The following FOLH1 variants were observed in gnomAD, a reference collection of about 807,000 sequenced individuals.
FOLH1 encodes the protein glutamate carboxypeptidase 2.
A neutral mutation model predicts 93.9 loss-of-function variants in FOLH1; 54 were observed. The ratio of observed to expected loss-of-function variants is 0.57; its 90% CI spans 0.46 to 0.72. The LOEUF is 0.72. Ranked by LOEUF, FOLH1 falls within the 30% of genes least tolerant of loss-of-function variation. The probability of loss-of-function intolerance (pLI) is 0.00; values close to 1 mark genes in which losing one functional copy is unlikely to be tolerated. For missense variants in FOLH1, 571 were observed against 892.5 expected, an observed-to-expected ratio of 0.64 and a Z score of 4.59; for synonymous variants, 249 against 303.6, an observed-to-expected ratio of 0.82 and a Z score of 1.87.
rs375116783 is a variant in FOLH1 at position 49,164,666 on chromosome 11, T to C, written c.1440+39A>G. ...TAATACCTCAAGAAAACATCATTTG[T>C]AGAATTTGGGTTTTCTTAAATTATA... is the stretch of plus-strand genomic sequence containing the variant. On this transcript the variant is annotated intron_variant, in intron 13 of 18. Transcript: ENST00000256999. 6.5e-6 allele frequency: 9 copies of C among 1,386,628 alleles called. 1 individual carries two copies. The highest frequency in any genetic ancestry group is 5.1e-5 in the South Asian group (4 of 78,506). 85.9% of individuals were successfully genotyped at this position (1,386,628 alleles called of 1,614,324 possible).
chr11:49,169,958 G>A (rs546831445), intron 11 of FOLH1, among the ~76,000 whole-genome samples: 8 of 151,860 alleles, frequency 5.3e-5, no homozygotes, highest in Admixed American at 3.3e-4. Flanking sequence ...AAATTACACC[G>A]TCAAAATATT....
intron 13 of FOLH1, 116 bp downstream of exon 13, chr11:49,164,589 A>G: frequency 1.5e-6 from 1 of 680,634 alleles, no homozygotes; most frequent in Non-Finnish European, 2.6e-6. Context: ...GATGTCATAT[A>G]TGTTATATGA....
At chr11:49,149,261 G>T (rs1856180471) in intron 17 of FOLH1, among the ~76,000 whole-genome samples, 1 of 152,102 alleles carries the variant, frequency 6.6e-6, no homozygotes, top group Non-Finnish European at 1.5e-5. Flanking sequence ...AAGTCTAAAA[G>T]TTACTTAAAA....
intron 11 of FOLH1, among the ~76,000 whole-genome samples, chr11:49,170,798 G>T (rs1859167661): frequency 6.6e-6 from 1 of 152,130 alleles, no homozygotes; most frequent in African/African-American, 2.4e-5. Flanking sequence ...ACATGTTTAT[G>T]GCAAGATATT....
At chr11:49,187,042 C>A (rs555464751) in intron 4 of FOLH1, among the ~76,000 whole-genome samples, 67 of 151,076 alleles carry the variant, frequency 4.4e-4, no homozygotes, top group East Asian at 2.3e-3. Context: ...AGCACCCCCC[C>A]CACACACACA....
chr11:49,177,895 A>G (rs1341327906), intron 7 of FOLH1, among the ~76,000 whole-genome samples: 4 of 151,378 alleles, frequency 2.6e-5, no homozygotes, highest in Admixed American at 6.6e-5. Context: ...CCTGGGAGGT[A>G]GAGATTGCGG....
rs539416048 is a variant in FOLH1, at chr11:49,149,242, T to C, written c.1971-511A>G. The stretch of plus-strand genomic sequence containing the variant: ...TTAAATTGATCTCTCGGTATAATGA[T>C]CCAGATTTAAGTCTAAAAGTTACTT... On this transcript the variant is annotated intron_variant, in intron 17 of 18. Coordinates refer to ENST00000256999, the MANE Select transcript of FOLH1 (RefSeq NM_004476.3). Among the ~76,000 whole-genome samples, 27 of 152,234 alleles carry C rather than the reference T, an allele frequency of 1.8e-4. 1 individual carries two copies. In the South Asian group the frequency reaches 5.2e-3, roughly 29 times the overall value.
chr11:49,158,506 T>A (rs1212338501), intron 13 of FOLH1, among the ~76,000 whole-genome samples: 1 of 152,174 alleles, frequency 6.6e-6, no homozygotes, highest in Non-Finnish European at 1.5e-5. Context: ...TAAACCGCAA[T>A]GTCTGTTCTT....
At chr11:49,160,423 T>C (rs1358839351) in intron 13 of FOLH1, among the ~76,000 whole-genome samples, 1 of 151,964 alleles carries the variant, frequency 6.6e-6, no homozygotes, top group Non-Finnish European at 1.5e-5. Context: ...ACTAGGCTGT[T>C]AACTTGAGAT....
chr11:49,188,190 A>T (rs1035438511), intron 4 of FOLH1, among the ~76,000 whole-genome samples: 1 of 152,224 alleles, frequency 6.6e-6, no homozygotes, highest in Admixed American at 6.5e-5. Context: ...TTTTTGTGAC[A>T]GATTGTGTTA....
At chr11:49,151,861 C>A (rs536841974) in intron 17 of FOLH1, among the ~76,000 whole-genome samples, 2 of 152,094 alleles carry the variant, frequency 1.3e-5, no homozygotes, top group East Asian at 3.9e-4. Flanking sequence ...TGTTTGGGAT[C>A]TCCTTAAAAT....
At position 49,156,868 on chromosome 11, in the gene FOLH1, A is replaced by T. The variant is rs1220494591; in HGVS notation, c.1533-61T>A. 5 of 1,602,738 alleles carry T rather than the reference A, an allele frequency of 3.1e-6. No individual in the cohort carries two copies. The African/African-American group carries it at 6.7e-5, about 21-fold the overall frequency. Reference sequence around the variant, plus strand: ...AATTTGTTCATTAAGCACAGATTACATGTCCATTAAACTAAACCCCATTCT... The same window carrying T: ...AATTTGTTCATTAAGCACAGATTACTTGTCCATTAAACTAAACCCCATTCT... On this transcript the variant is annotated intron_variant, in intron 14 of 18. Coordinates refer to ENST00000256999, the MANE Select transcript of FOLH1 (RefSeq NM_004476.3).
chr11:49,164,088 C>T (rs1858082929), intron 13 of FOLH1, among the ~76,000 whole-genome samples: 2 of 152,138 alleles, frequency 1.3e-5, no homozygotes, highest in African/African-American at 4.8e-5. Flanking sequence ...CCTTCAATTT[C>T]TCTTTGTGAG....
chr11:49,191,351 T>C (rs1862016420), intron 4 of FOLH1, among the ~76,000 whole-genome samples: 1 of 152,174 alleles, frequency 6.6e-6, no homozygotes, highest in Non-Finnish European at 1.5e-5. Context: ...ATACATAGTT[T>C]TGAAAGAATT....
chr11:49,193,775 A>G lies in FOLH1; in HGVS notation c.412-881T>C, dbSNP rs556269962. Among the ~76,000 whole-genome samples, 81 of 152,344 alleles carry G rather than the reference A, an allele frequency of 5.3e-4. 1 individual carries two copies. The Middle Eastern group carries it at 0.014, about 26-fold the overall frequency. On this transcript the variant is annotated intron_variant, in intron 3 of 18. Coordinates refer to ENST00000256999, the MANE Select transcript of FOLH1 (RefSeq NM_004476.3). ...GCCTTAGATGGATCTATCAAAGCCT[A>G]TGGCCCCATGAAAAGGATTCAGGAG...
intron 1 of FOLH1, chr11:49,207,967 C>G: frequency 1.7e-6 from 1 of 577,566 alleles, no homozygotes; most frequent in Admixed American, 2.3e-5. Flanking sequence ...CAAAACAAAA[C>G]AAAACAAAAG....
At position 49,145,395 on chromosome 11, in the gene FOLH1, G is replaced by A. The variant is rs1855741005; in HGVS notation, c.*1361C>T. Reference sequence around the variant, plus strand: ...ACCAGTGCCCAGATTCTGTAGTTCAGGCTGCTGCTATGGCACCCACTTCCT... The same window carrying A: ...ACCAGTGCCCAGATTCTGTAGTTCAAGCTGCTGCTATGGCACCCACTTCCT... On this transcript the variant is annotated 3_prime_UTR_variant, in exon 19 of 19. Transcript: ENST00000256999. 6.6e-6 allele frequency among the ~76,000 whole-genome samples: 1 copy of A among 152,134 alleles called. No homozygotes were observed. Among genetic ancestry groups the A allele is most frequent in the Non-Finnish European group, 1.5e-5 (1 of 68,030 alleles).
At chr11:49,196,740 C>G (rs1395001323) in intron 3 of FOLH1, among the ~76,000 whole-genome samples, 1 of 152,070 alleles carries the variant, frequency 6.6e-6, no homozygotes, top group Non-Finnish European at 1.5e-5. Context: ...AAAGGATGTA[C>G]TTTAAGATAA....
chr11:49,195,107 T>C (rs1371008021), intron 3 of FOLH1, among the ~76,000 whole-genome samples: 1 of 152,074 alleles, frequency 6.6e-6, no homozygotes, highest in Non-Finnish European at 1.5e-5. Context: ...AACCATCAAA[T>C]ACATGTTTTT....
Sources: gnomAD v4.1 joint callset for allele counts (sites outside exome capture counted in the v4.1 genomes callset) on GRCh38, gnomAD v4.1.1 for gene constraint, MANE v1.5 for transcripts, NCBI Gene and HGNC (gene_info 2026-07-23, HGNC 2026-07-21) for gene names.